UGT1A7: variants seen among roughly 807,000 people sequenced by gnomAD.
UGT1A7 encodes the protein UDP glucuronosyltransferase family 1 member A7, also known as UDP-glucuronosyltransferase 1A7.
A neutral mutation model predicts 45.6 loss-of-function variants in UGT1A7; 33 were observed. The ratio of observed to expected loss-of-function variants is 0.72; its 90% CI spans 0.55 to 0.97. The LOEUF (loss-of-function observed/expected upper bound fraction) is 0.97, where lower values mean the gene tolerates loss of function less well. Among genes scored for constraint, UGT1A7 ranks in the 50% least tolerant of loss-of-function variants. The pLI is 0.00. For missense variants in UGT1A7, 684 were observed against 666.2 expected, an observed-to-expected ratio of 1.03 and a Z score of -0.29; for synonymous variants, 274 against 250.6, an observed-to-expected ratio of 1.09 and a Z score of -0.88.
At chr2:233,733,349 A>G (rs2078383878) in intron 1 of UGT1A7, among the ~76,000 whole-genome samples, 1 of 152,106 alleles carries the variant, frequency 6.6e-6, no homozygotes, top group South Asian at 2.1e-4. Flanking sequence ...CAGTATGTTG[A>G]GTAGGAGTGG....
At chr2:233,686,386 C>G (rs976765081) in intron 1 of UGT1A7, among the ~76,000 whole-genome samples, 1 of 152,054 alleles carries the variant, frequency 6.6e-6, no homozygotes, top group Non-Finnish European at 1.5e-5. Flanking sequence ...AAAGACAACT[C>G]GTGTGGGCGC....
intron 1 of UGT1A7, among the ~76,000 whole-genome samples, chr2:233,725,200 A>G (rs1336173793): frequency 5.4e-5 from 5 of 92,552 alleles, no homozygotes; most frequent in South Asian, 4.2e-4. Flanking sequence ...GCAGAGGCAG[A>G]GGCAGAGGCA....
rs144956531 is a variant in UGT1A7, at chr2:233,704,021, G to A, written c.855+21229G>A. Among the ~76,000 whole-genome samples the A allele has an allele frequency of 2.1e-3, 322 of 152,060 alleles. 1 individual carries two copies. The highest frequency in any genetic ancestry group is 7.3e-3 in the African/African-American group (305 of 41,502). ...TTCTCCCACCTCAGCCGCCCGAGCA[G>A]CTGGAACTACAGGTGTGCACCAACA... is the stretch of plus-strand genomic sequence containing the variant. On this transcript the variant is annotated intron_variant, in intron 1 of 4. Transcript: ENST00000373426.
chr2:233,718,643 C>T, intron 1 of UGT1A7: 1 of 1,485,946 alleles, frequency 6.7e-7, no homozygotes, highest in South Asian at 1.3e-5. Context: ...AGGGTTGGGC[C>T]CATAACGAAA....
chr2:233,710,692 G>A (rs976331221), intron 1 of UGT1A7, among the ~76,000 whole-genome samples: 1 of 152,100 alleles, frequency 6.6e-6, no homozygotes, highest in Non-Finnish European at 1.5e-5. Flanking sequence ...TTTACTTCTG[G>A]TGTGTGGTGT....
chr2:233,747,072 T>C (rs1174138764), intron 1 of UGT1A7: 1 of 1,024,362 alleles, frequency 9.8e-7, no homozygotes, highest in African/African-American at 1.6e-5. Context: ...TCGGTAATAA[T>C]TAACTAGGAG....
In UGT1A7 at chr2:233,767,042, AGCCTACATTAAT is replaced by A; in HGVS notation, c.867_878del (p.Tyr290_Ala293del). The A allele has an allele frequency of 6.2e-7, 1 of 1,614,104 alleles. No individual in the cohort carries two copies. The highest frequency in any genetic ancestry group is 8.5e-7 in the Non-Finnish European group (1 of 1,179,998). ...TTTTCTTCTGGCTCTAGGAATTTGA[AGCCTACATTAAT>A]GCTTCTGGAGAACATGGAATTGTGG... On this transcript the variant is annotated inframe_deletion, in exon 2 of 5. Coordinates refer to ENST00000373426, the MANE Select transcript of UGT1A7 (RefSeq NM_019077.3).
chr2:233,682,514 C>A lies in UGT1A7; in HGVS notation c.577C>A (p.Leu193Ile), dbSNP rs368267055. The stretch of plus-strand genomic sequence containing the variant: ...TGCTCCTCTTTCCTATGTCCCCAGA[C>A]TTCTCTTAGGGTTCTCAGACGCCAT... ...CPAPLSYVPRLLLGFSDAMTF... is the reference protein window; with the variant it reads ...CPAPLSYVPRILLGFSDAMTF... Residue 193 changes from leucine to isoleucine, a missense_variant, in exon 1 of 5, where the codon CTT becomes ATT. Transcript: ENST00000373426. 44 of 1,613,960 alleles carry A rather than the reference C, an allele frequency of 2.7e-5. No individual in the cohort carries two copies. In the East Asian group the frequency reaches 3.6e-4, roughly 13 times the overall value.
chr2:233,718,286 A>G (rs2076644958), intron 1 of UGT1A7, among the ~76,000 whole-genome samples: 1 of 152,248 alleles, frequency 6.6e-6, no homozygotes, highest in Non-Finnish European at 1.5e-5. Context: ...AAAACCAGAT[A>G]GCCAGCCTGA....
chr2:233,729,149 C>T, intron 1 of UGT1A7: 2 of 1,613,488 alleles, frequency 1.2e-6, no homozygotes, highest in Non-Finnish European at 1.7e-6. Flanking sequence ...CTCCAGGTTC[C>T]CCTGCCGTGG....
chr2:233,701,125 G>C (rs535015875), intron 1 of UGT1A7, among the ~76,000 whole-genome samples: 39 of 152,142 alleles, frequency 2.6e-4, no homozygotes, highest in Non-Finnish European at 5.1e-4. Context: ...ATCATTGAGG[G>C]ACATTTAGGT....
At chr2:233,755,357 TGGGCCGCCTGGA>T in intron 1 of UGT1A7, 1 of 376,616 alleles carries the variant, frequency 2.7e-6, no homozygotes, top group South Asian at 2.2e-5. Context: ...CTTGGCGACC[TGGGCCGCCTGGA>T]GGGCCGCCCC....
intron 1 of UGT1A7, among the ~76,000 whole-genome samples, chr2:233,704,635 T>C (rs1010635700): frequency 6.6e-6 from 1 of 152,114 alleles, no homozygotes. Context: ...ATATTAACCT[T>C]TTTGCTTATC....
intron 1 of UGT1A7, chr2:233,693,243 T>C: frequency 6.2e-7 from 1 of 1,614,170 alleles, no homozygotes; most frequent in Non-Finnish European, 8.5e-7. Flanking sequence ...ATCTATCCAG[T>C]GCCGTATGAC....
chr2:233,748,071 C>T, intron 1 of UGT1A7: 3 of 1,613,372 alleles, frequency 1.9e-6, no homozygotes, highest in East Asian at 2.2e-5. Context: ...CAGGAAGCCA[C>T]TATCTCAGGT....
intron 1 of UGT1A7, among the ~76,000 whole-genome samples, chr2:233,737,486 G>A (rs929571204): frequency 1.3e-5 from 2 of 152,176 alleles, no homozygotes; most frequent in African/African-American, 4.8e-5. Context: ...TCTAGGAAAG[G>A]GAAATCCCTC....
rs369738416 is a variant in UGT1A7 at position 233,718,805 on chromosome 2, G to C, written c.855+36013G>C. Reference sequence around the variant, plus strand: ...AGCGTGGGGTGGACAGTCAGCTGTCGGTGGCTTCTGCTGAGATGGCCAGAG... The same window carrying C: ...AGCGTGGGGTGGACAGTCAGCTGTCCGTGGCTTCTGCTGAGATGGCCAGAG... On this transcript the variant is annotated intron_variant, in intron 1 of 4. Transcript: ENST00000373426. 47 of 1,613,298 alleles carry C rather than the reference G, an allele frequency of 2.9e-5. 1 individual carries two copies. Among genetic ancestry groups the C allele is most frequent in the African/African-American group, 1.3e-4 (10 of 75,040 alleles).
At chr2:233,730,438 G>A (rs1247930586) in intron 1 of UGT1A7, among the ~76,000 whole-genome samples, 7 of 152,192 alleles carry the variant, frequency 4.6e-5, no homozygotes, top group African/African-American at 7.2e-5. Context: ...GTCCCATCTT[G>A]CAAATGATAG....
Position 233,690,778 on chromosome 2 carries a change from C to T in UGT1A7, c.855+7986C>T, listed in dbSNP as rs80089165. The T allele has an allele frequency of 5.0e-4, 115 of 229,708 alleles. No homozygotes were observed. The African/African-American group carries it at 5.8e-3, about 12-fold the overall frequency. 14.2% of individuals were successfully genotyped at this position (229,708 alleles called of 1,614,324 possible). A position where few individuals can be genotyped will look rare whatever the true frequency, so the allele number is the denominator to read the frequency against. On this transcript the variant is annotated intron_variant, in intron 1 of 4. Coordinates refer to ENST00000373426, the MANE Select transcript of UGT1A7 (RefSeq NM_019077.3). ...GCAGACATACACACACACACACATA[C>T]ACACACACACACACACACACACCAT...
Sources: gnomAD v4.1 joint callset for allele counts (sites outside exome capture counted in the v4.1 genomes callset) on GRCh38, gnomAD v4.1.1 for gene constraint, MANE v1.5 for transcripts, NCBI Gene and HGNC (gene_info 2026-07-23, HGNC 2026-07-21) for gene names.